F13B: variants seen among roughly 807,000 people sequenced by gnomAD.
F13B encodes the protein coagulation factor XIII B chain, also known as TGase.
F13B carries 58 observed loss-of-function variants against 79.8 expected under a neutral mutation model. The observed-to-expected ratio is 0.73, with a 90% CI of 0.59 to 0.90. F13B has a LOEUF of 0.90. F13B is among the 40% of genes least tolerant of loss of function. The pLI is 0.00. For missense variants in F13B, 773 were observed against 777.0 expected (o/e 0.99, Z 0.06); for synonymous variants, 283 against 260.3 (o/e 1.09, Z -0.84).
In F13B at chr1:197,046,453, A is replaced by G. The variant is rs150489651; in HGVS notation, c.1738+4244T>C. ...AATAAAATACCTAGGAATCCAACTT[A>G]CAAGGGATGTGAAGGACCTCTTCAA... is the stretch of plus-strand genomic sequence containing the variant. On this transcript the variant is annotated intron_variant, in intron 10 of 11. Transcript: ENST00000367412. 9.3e-4 allele frequency among the ~76,000 whole-genome samples: 141 copies of G among 152,328 alleles called. 3 individuals carry two copies. The East Asian group carries it at 0.025, about 27-fold the overall frequency.
At chr1:197,042,177 T>C (rs556440732) in intron 10 of F13B, among the ~76,000 whole-genome samples, 2 of 152,324 alleles carry the variant, frequency 1.3e-5, no homozygotes, top group Admixed American at 1.3e-4. Flanking sequence ...CAACAACTAC[T>C]TATTAAATGC....
chr1:197,051,358 T>C (rs2125063143), intron 9 of F13B, among the ~76,000 whole-genome samples: 1 of 152,316 alleles, frequency 6.6e-6, no homozygotes, highest in East Asian at 1.9e-4. Flanking sequence ...GTATTAACAA[T>C]CATGATTTTA....
At chr1:197,060,208 G>T (rs1655800144) in intron 5 of F13B, among the ~76,000 whole-genome samples, 158 bp downstream of exon 5, 1 of 151,896 alleles carries the variant, frequency 6.6e-6, no homozygotes, top group Admixed American at 6.6e-5. Context: ...ATATATTAAA[G>T]ATTGCTGAAA....
chr1:197,053,325 C>T (rs957172567), intron 8 of F13B, among the ~76,000 whole-genome samples: 1 of 152,072 alleles, frequency 6.6e-6, no homozygotes, highest in African/African-American at 2.4e-5. Flanking sequence ...ATTGTAGCTC[C>T]CATAATTCCC....
chr1:197,062,134 A>G (rs545201865), intron 2 of F13B, among the ~76,000 whole-genome samples, 165 bp from the exon 3 acceptor site: 1 of 152,196 alleles, frequency 6.6e-6, no homozygotes, highest in Non-Finnish European at 1.5e-5. Flanking sequence ...CTCTCTTTGT[A>G]TTTACTAATT....
intron 10 of F13B, among the ~76,000 whole-genome samples, chr1:197,045,875 A>G (rs958045537): frequency 2.6e-5 from 4 of 152,198 alleles, no homozygotes; most frequent in Non-Finnish European, 4.4e-5. Context: ...CAAATCAATA[A>G]ACATAATCCA....
chr1:197,053,332 T>G (rs1282721594), intron 8 of F13B, among the ~76,000 whole-genome samples: 1 of 152,128 alleles, frequency 6.6e-6, no homozygotes, highest in African/African-American at 2.4e-5. Context: ...CTCCCATAAT[T>G]CCCATATGTC....
Position 197,039,357 on chromosome 1 carries a change from T to C in F13B, c.*21A>G. The C allele has an allele frequency of 6.3e-7, 1 of 1,593,606 alleles. No individual in the cohort carries two copies. On this transcript the variant is annotated 3_prime_UTR_variant, in exon 12 of 12. Coordinates refer to ENST00000367412, the MANE Select transcript of F13B (RefSeq NM_001994.3). ...ATTTCATGATGTATTGAAATATGAC[T>C]CCTCTTTCTGCCATTCATTTCTATG...
intron 10 of F13B, among the ~76,000 whole-genome samples, chr1:197,041,846 A>G (rs1655048399): frequency 1.3e-5 from 2 of 152,152 alleles, no homozygotes; most frequent in African/African-American, 2.4e-5. Flanking sequence ...CCTTCTTCAC[A>G]CTTTCATAGA....
Position 197,040,641 on chromosome 1 carries a change from A to G in F13B, c.1833T>C (p.Tyr611=), listed in dbSNP as rs1370490605. Residue 611 remains tyrosine (Y), a synonymous_variant, in exon 11 of 12, where the codon TAT becomes TAC. Coordinates refer to ENST00000367412, the MANE Select transcript of F13B (RefSeq NM_001994.3). The stretch of plus-strand genomic sequence containing the variant: ...TATCTCCTCTACAAATAAACTCAAT[A>G]TATTCACCATGCAAAATGTGTGGTC... ...DNRPHILHGE[Y]IEFICRGDTY... 6.2e-7 allele frequency: 1 copy of G among 1,612,614 alleles called. No individual in the cohort carries two copies. The highest frequency in any genetic ancestry group is 8.5e-7 in the Non-Finnish European group (1 of 1,178,962).
intron 10 of F13B, among the ~76,000 whole-genome samples, chr1:197,043,106 G>A (rs1006716716): frequency 6.6e-6 from 1 of 152,076 alleles, no homozygotes; most frequent in African/African-American, 2.4e-5. Context: ...CTTGTATAGA[G>A]GCATAGGATG....
chr1:197,047,882 T>C (rs1430373934), intron 10 of F13B, among the ~76,000 whole-genome samples: 1 of 151,962 alleles, frequency 6.6e-6, no homozygotes, highest in Non-Finnish European at 1.5e-5. Context: ...AAGCAAACTA[T>C]TACAAGGACA....
intron 2 of F13B, 122 bp from the exon 3 acceptor site, chr1:197,062,091 A>AT (rs1655885763): frequency 4.8e-6 from 4 of 841,450 alleles, no homozygotes; most frequent in Admixed American, 2.3e-5. Flanking sequence ...TATCTGCATA[A>AT]TTTTTTTGAA....
At position 197,062,882 on chromosome 1, in the gene F13B, G is replaced by C. The variant is rs1460839816; in HGVS notation, c.240C>G (p.Gly80=). ...QEEQTTCTTE[G]WSPEPRCFKK... is the part of the protein sequence containing the mutation. ...TGAAGCACCTTGGCTCTGGAGACCA[G>C]CCTTCTGTTGTACACGTGGTTTGCT... Residue 80 remains glycine (G), a synonymous_variant, in exon 2 of 12, where the codon GGC becomes GGG. Transcript: ENST00000367412. 2 of 1,613,800 alleles carry C rather than the reference G, an allele frequency of 1.2e-6. No homozygotes were observed. Among genetic ancestry groups the C allele is most frequent in the South Asian group, 1.1e-5 (1 of 91,084 alleles).
At chr1:197,049,327 T>C (rs949372788) in intron 10 of F13B, among the ~76,000 whole-genome samples, 5 of 152,010 alleles carry the variant, frequency 3.3e-5, no homozygotes, top group Non-Finnish European at 7.4e-5. Flanking sequence ...AAATGTTGGT[T>C]TTTTGAAAAC....
At chr1:197,049,923 A>C (rs1289914763) in intron 10 of F13B, among the ~76,000 whole-genome samples, 1 of 152,158 alleles carries the variant, frequency 6.6e-6, no homozygotes, top group Admixed American at 6.6e-5. Context: ...AAAAGTAATA[A>C]TTATGTAATT....
intron 5 of F13B, among the ~76,000 whole-genome samples, chr1:197,059,438 T>C (rs1168755703): frequency 6.6e-6 from 1 of 152,104 alleles, no homozygotes; most frequent in Non-Finnish European, 1.5e-5. Context: ...GTTTCAAATC[T>C]TCACCACTTT....
intron 1 of F13B, among the ~76,000 whole-genome samples, chr1:197,066,275 G>A (rs1320135981): frequency 6.6e-6 from 1 of 152,072 alleles, no homozygotes; most frequent in African/African-American, 2.4e-5. Context: ...CTAAAACACA[G>A]TTAAAACTTA....
In F13B at chr1:197,039,135, T is replaced by TCTCGGTGGTCGCCG; in HGVS notation, c.*242_*243insCGGCGACCACCGAG. Reference sequence around the variant, plus strand: ...AGGAAATGAAAATATGATGTGTAGATTAATTTGTAACAGATGGAAGACATA... The same window carrying TCTCGGTGGTCGCCG: ...AGGAAATGAAAATATGATGTGTAGATCTCGGTGGTCGCCGTAATTTGTAACAGATGGAAGACATA... On this transcript the variant is annotated 3_prime_UTR_variant, in exon 12 of 12. Transcript: ENST00000367412. 8.6e-6 allele frequency: 4 copies of TCTCGGTGGTCGCCG among 462,506 alleles called. No homozygotes were observed. Among genetic ancestry groups the TCTCGGTGGTCGCCG allele is most frequent in the South Asian group, 2.9e-5 (1 of 34,178 alleles). 28.7% of individuals were successfully genotyped at this position (462,506 alleles called of 1,614,324 possible).
Sources: gnomAD v4.1 joint callset for allele counts (sites outside exome capture counted in the v4.1 genomes callset) on GRCh38, gnomAD v4.1.1 for gene constraint, MANE v1.5 for transcripts, NCBI Gene and HGNC (gene_info 2026-07-23, HGNC 2026-07-21) for gene names.